MYO1D: variants seen among roughly 807,000 people sequenced by gnomAD.
The protein encoded by MYO1D is unconventional myosin-Id.
A neutral mutation model predicts 122.0 loss-of-function variants in MYO1D; 83 were observed. The observed-to-expected ratio is 0.68, with a 90% CI of 0.57 to 0.82. The LOEUF is 0.82. MYO1D is among the 40% of genes least tolerant of loss of function. MYO1D has a pLI of 0.00. For missense variants in MYO1D, 1,157 were observed against 1,269.5 expected (o/e 0.91, Z 1.35); for synonymous variants, 464 against 446.9 (o/e 1.04, Z -0.48).
intron 21 of MYO1D, among the ~76,000 whole-genome samples, chr17:32,523,599 C>T (rs188081035): frequency 4.5e-4 from 69 of 152,160 alleles, no homozygotes; most frequent in African/African-American, 1.3e-3. Context: ...GCTTTACAAT[C>T]GAGTGCCAGT....
chr17:32,877,069 C>G lies in MYO1D; in HGVS notation c.-197G>C, dbSNP rs1318326204. 2.2e-5 allele frequency: 5 copies of G among 222,928 alleles called. No individual in the cohort carries two copies. Among genetic ancestry groups the G allele is most frequent in the Non-Finnish European group, 4.3e-5 (5 of 115,670 alleles). The allele number at this position is 222,928 out of a possible 1,614,324, so 13.8% of individuals were successfully genotyped here. A position where few individuals can be genotyped will look rare whatever the true frequency, so the allele number is the denominator to read the frequency against. ...GGCGCCTTCTCGGCCGGCGCGGCTC[C>G]GAACGGGACGCACCCGACAGTTTCC... On this transcript the variant is annotated 5_prime_UTR_variant, in exon 1 of 22. Coordinates refer to ENST00000318217, the MANE Select transcript of MYO1D (RefSeq NM_015194.3).
chr17:32,610,248 G>GCTTCTCTCCCTCCC (rs2087683663), intron 20 of MYO1D, among the ~76,000 whole-genome samples: 1 of 152,078 alleles, frequency 6.6e-6, no homozygotes, highest in Non-Finnish European at 1.5e-5. Flanking sequence ...CAGCGGGTGG[G>GCTTCTCTCCCTCCC]CTTCTCTCCC....
At chr17:32,661,328 T>C (rs891269130) in intron 16 of MYO1D, among the ~76,000 whole-genome samples, 1 of 152,304 alleles carries the variant, frequency 6.6e-6, no homozygotes, top group Admixed American at 6.5e-5. Context: ...CAAACTATTT[T>C]AGATGCTTCT....
At chr17:32,644,070 T>C (rs911923992) in intron 19 of MYO1D, among the ~76,000 whole-genome samples, 1 of 152,198 alleles carries the variant, frequency 6.6e-6, no homozygotes, top group African/African-American at 2.4e-5. Flanking sequence ...TAAATTTCCC[T>C]CTACACACTG....
intron 1 of MYO1D, among the ~76,000 whole-genome samples, chr17:32,842,328 G>T (rs538807548): frequency 6.6e-6 from 1 of 152,138 alleles, no homozygotes; most frequent in Non-Finnish European, 1.5e-5. Flanking sequence ...GATGTGAAGC[G>T]TAAGTTACTG....
chr17:32,533,352 C>A (rs1910569250), intron 21 of MYO1D, among the ~76,000 whole-genome samples: 1 of 152,162 alleles, frequency 6.6e-6, no homozygotes, highest in African/African-American at 2.4e-5. Flanking sequence ...CTTCCCACTC[C>A]ACAGCAATCC....
At chr17:32,629,773 G>A (rs549346994) in intron 20 of MYO1D, among the ~76,000 whole-genome samples, 2 of 152,090 alleles carry the variant, frequency 1.3e-5, no homozygotes, top group African/African-American at 4.8e-5. Context: ...TGAAGAGGGC[G>A]GAAAGAAAAG....
chr17:32,596,081 C>A (rs1429621887), intron 21 of MYO1D, among the ~76,000 whole-genome samples: 1 of 152,190 alleles, frequency 6.6e-6, no homozygotes, highest in Non-Finnish European at 1.5e-5. Flanking sequence ...TGTGGCCACT[C>A]ACTTTTCTGT....
At chr17:32,813,094 AATAT>A (rs2090585857) in intron 1 of MYO1D, among the ~76,000 whole-genome samples, 1 of 152,210 alleles carries the variant, frequency 6.6e-6, no homozygotes, top group Non-Finnish European at 1.5e-5. Flanking sequence ...ATGATTTCCC[AATAT>A]GTGAAAAGAT....
At chr17:32,675,082 A>T (rs751266900) in intron 16 of MYO1D, among the ~76,000 whole-genome samples, 1 of 152,214 alleles carries the variant, frequency 6.6e-6, no homozygotes, top group Non-Finnish European at 1.5e-5. Flanking sequence ...AACATAACAC[A>T]ATTAACTATG....
intron 21 of MYO1D, among the ~76,000 whole-genome samples, chr17:32,591,021 A>C (rs1217869215): frequency 6.6e-6 from 1 of 152,234 alleles, no homozygotes; most frequent in Non-Finnish European, 1.5e-5. Context: ...AAAGCAAATA[A>C]GAATCTTTGA....
intron 19 of MYO1D, among the ~76,000 whole-genome samples, chr17:32,648,211 C>CA (rs1160959610): frequency 3.4e-4 from 52 of 151,610 alleles, no homozygotes; most frequent in Non-Finnish European, 5.9e-4. Flanking sequence ...AAGACTGCCT[C>CA]AAAAAAACAA....
intron 11 of MYO1D, among the ~76,000 whole-genome samples, chr17:32,750,727 T>C (rs990015054): frequency 9.2e-5 from 14 of 152,226 alleles, no homozygotes; most frequent in African/African-American, 3.4e-4. Context: ...TTCTATTAAT[T>C]TGACAAGTGA....
chr17:32,530,547 T>C (rs1278994838), intron 21 of MYO1D, among the ~76,000 whole-genome samples: 1 of 152,200 alleles, frequency 6.6e-6, no homozygotes, highest in Non-Finnish European at 1.5e-5. Flanking sequence ...ACGCCTGTAA[T>C]CCCTGCACTT....
Position 32,701,164 on chromosome 17 carries a change from CAATTA to C in MYO1D, c.2121+10819_2121+10823del, listed in dbSNP as rs373481203. The stretch of plus-strand genomic sequence containing the variant: ...AGAGACTACTTCGTTCAATTCTGTT[CAATTA>C]AATTAGAGAATCTGAATGATTTTCT... On this transcript the variant is annotated intron_variant, in intron 16 of 21. Transcript: ENST00000318217. Among the ~76,000 whole-genome samples the C allele has an allele frequency of 3.0e-3, 460 of 152,130 alleles. 3 individuals are homozygous for C. The highest frequency in any genetic ancestry group is 0.011 in the African/African-American group (450 of 41,514).
chr17:32,768,861 T>C (rs1288724955), intron 6 of MYO1D, among the ~76,000 whole-genome samples: 2 of 152,146 alleles, frequency 1.3e-5, no homozygotes, highest in Admixed American at 6.5e-5. Context: ...ACTGCAACCA[T>C]GTTGAAGTTG....
intron 13 of MYO1D, among the ~76,000 whole-genome samples, chr17:32,743,233 C>T (rs1331850057): frequency 1.3e-5 from 2 of 152,186 alleles, no homozygotes; most frequent in African/African-American, 4.8e-5. Context: ...TAGATACTCT[C>T]ATCTAGTCTA....
intron 1 of MYO1D, among the ~76,000 whole-genome samples, chr17:32,785,973 G>T (rs2090289309): frequency 6.6e-6 from 1 of 152,128 alleles, no homozygotes; most frequent in African/African-American, 2.4e-5. Flanking sequence ...CAAAAAACTA[G>T]CCACAACTCT....
chr17:32,849,131 G>T (rs1598153490), intron 1 of MYO1D, among the ~76,000 whole-genome samples: 2 of 151,882 alleles, frequency 1.3e-5, no homozygotes, highest in East Asian at 1.9e-4. Context: ...TCTCACACCA[G>T]TTAGAATGGC....
Sources: gnomAD v4.1 joint callset for allele counts (sites outside exome capture counted in the v4.1 genomes callset) on GRCh38, gnomAD v4.1.1 for gene constraint, MANE v1.5 for transcripts, NCBI Gene and HGNC (gene_info 2026-07-23, HGNC 2026-07-21) for gene names.